The following ENOX1 variants were observed in gnomAD, a reference collection of about 807,000 sequenced individuals.
The protein encoded by ENOX1 is ecto-NOX disulfide-thiol exchanger 1, also known as candidate growth-related and time keeping constitutive hydroquinone (NADH) oxidase.
A neutral mutation model predicts 82.5 loss-of-function variants in ENOX1; 42 were observed. That is an observed-to-expected ratio of 0.51 (90% CI 0.40 to 0.66). The LOEUF (loss-of-function observed/expected upper bound fraction) is 0.66, where lower values mean the gene tolerates loss of function less well. ENOX1 is among the 30% of genes least tolerant of loss of function. ENOX1 has a pLI of 0.00. For synonymous variants in ENOX1, 271 were observed against 282.2 expected (o/e 0.96, Z 0.40); for missense variants, 608 against 811.6 (o/e 0.75, Z 3.05).
intron 8 of ENOX1, among the ~76,000 whole-genome samples, chr13:43,349,867 A>G (rs1030352354): frequency 1.2e-5 from 1 of 81,268 alleles, no homozygotes; most frequent in African/African-American, 3.3e-5. Context: ...GTGAGTCTCT[A>G]TCCCTGTCCC....
At chr13:43,766,878 A>T (rs1159931969) in intron 1 of ENOX1, among the ~76,000 whole-genome samples, 1 of 152,190 alleles carries the variant, frequency 6.6e-6, no homozygotes, top group Non-Finnish European at 1.5e-5. Context: ...TTGGCCCATC[A>T]TCTGCCCGGC....
intron 2 of ENOX1, among the ~76,000 whole-genome samples, chr13:43,636,829 G>A (rs186781026): frequency 1.4e-3 from 208 of 152,250 alleles, no homozygotes; most frequent in African/African-American, 4.9e-3. Flanking sequence ...GCAGCTTTGA[G>A]AATACACTAA....
chr13:43,250,668 T>G (rs2043401019), intron 14 of ENOX1, among the ~76,000 whole-genome samples: 2 of 152,222 alleles, frequency 1.3e-5, no homozygotes, highest in African/African-American at 4.8e-5. Flanking sequence ...TTGAGCCTCC[T>G]CCTCTTTTCA....
At chr13:43,751,325 C>T (rs2153831095) in intron 1 of ENOX1, among the ~76,000 whole-genome samples, 1 of 152,310 alleles carries the variant, frequency 6.6e-6, no homozygotes, top group East Asian at 1.9e-4. Context: ...CACTGCTCTT[C>T]TGGTTGCCAC....
intron 1 of ENOX1, among the ~76,000 whole-genome samples, chr13:43,723,402 T>C (rs551574236): frequency 1.3e-5 from 2 of 152,266 alleles, no homozygotes; most frequent in East Asian, 1.9e-4. Context: ...GTCAAAAAAA[T>C]TACTCAGGAG....
At chr13:43,624,522 G>A (rs1484139640) in intron 2 of ENOX1, among the ~76,000 whole-genome samples, 1 of 151,976 alleles carries the variant, frequency 6.6e-6, no homozygotes, top group Non-Finnish European at 1.5e-5. Context: ...TAGTTTTATA[G>A]TTTTGTGATT....
chr13:43,448,818 G>A (rs1016237002), intron 3 of ENOX1, among the ~76,000 whole-genome samples: 13 of 152,166 alleles, frequency 8.5e-5, no homozygotes, highest in Non-Finnish European at 1.0e-4. Flanking sequence ...GAGCGGCATC[G>A]CCACCAACAA....
In ENOX1 at chr13:43,753,961, A is replaced by ACTGATGTATTTCTTCTATGTATATAAG. The variant is rs1555376228; in HGVS notation, c.-285+32690_-285+32691insCTTATATACATAGAAGAAATACATCAG. 9.4e-5 allele frequency among the ~76,000 whole-genome samples: 14 copies of ACTGATGTATTTCTTCTATGTATATAAG among 149,118 alleles called. No homozygotes were observed. In the East Asian group the frequency reaches 2.6e-3, roughly 27 times the overall value. On this transcript the variant is annotated intron_variant, in intron 1 of 16. Coordinates refer to ENST00000690772, the MANE Select transcript of ENOX1 (RefSeq NM_001347969.2). The stretch of plus-strand genomic sequence containing the variant: ...TAGTCCTGACATTTCAGAGACATAA[A>ACTGATGTATTTCTTCTATGTATATAAG]CTGATGTATTTCTTCTACGTATCTA...
intron 1 of ENOX1, among the ~76,000 whole-genome samples, chr13:43,721,304 TA>T (rs1192971062): frequency 6.6e-6 from 1 of 151,566 alleles, no homozygotes; most frequent in Non-Finnish European, 1.5e-5. Context: ...CTTAGGATAT[TA>T]AATAGCAAAT....
chr13:43,236,438 A>G (rs2042554486), intron 15 of ENOX1, among the ~76,000 whole-genome samples, 198 bp downstream of exon 15: 2 of 152,220 alleles, frequency 1.3e-5, no homozygotes, highest in African/African-American at 4.8e-5. Flanking sequence ...GTTAATATAT[A>G]CAGTTACAGA....
chr13:43,504,747 G>A (rs554325069), intron 2 of ENOX1, among the ~76,000 whole-genome samples: 2 of 151,592 alleles, frequency 1.3e-5, no homozygotes, highest in Non-Finnish European at 3.0e-5. Flanking sequence ...GTACAGTAGA[G>A]TGCCTATAGT....
At chr13:43,725,821 G>T (rs1307470025) in intron 1 of ENOX1, among the ~76,000 whole-genome samples, 2 of 150,548 alleles carry the variant, frequency 1.3e-5, no homozygotes, top group Non-Finnish European at 2.9e-5. Context: ...AAAAAAAGAA[G>T]CTAGGCATGG....
chr13:43,530,253 G>T lies in ENOX1; in HGVS notation c.-218-46101C>A, dbSNP rs568523815. On this transcript the variant is annotated intron_variant, in intron 2 of 16. Transcript: ENST00000690772. ...AAAGTATATGATCAGAGCAGACAAT[G>T]TATTTACAGGATTTATTTCCTGATA... is the stretch of plus-strand genomic sequence containing the variant. 4.4e-4 allele frequency among the ~76,000 whole-genome samples: 67 copies of T among 152,238 alleles called. 1 individual carries two copies. The highest frequency in any genetic ancestry group is 2.0e-3 in the Admixed American group (31 of 15,272).
chr13:43,748,979 A>T (rs1950170566), intron 1 of ENOX1, among the ~76,000 whole-genome samples: 1 of 152,186 alleles, frequency 6.6e-6, no homozygotes, highest in Non-Finnish European at 1.5e-5. Context: ...TCTGAGGTTT[A>T]GTTTTAGATC....
intron 12 of ENOX1, among the ~76,000 whole-genome samples, chr13:43,291,363 T>C (rs1459774354): frequency 6.6e-6 from 1 of 152,234 alleles, no homozygotes; most frequent in Non-Finnish European, 1.5e-5. Context: ...GAAACAGAAA[T>C]AGTGTGGAGA....
intron 1 of ENOX1, among the ~76,000 whole-genome samples, chr13:43,698,989 A>G (rs1354658073): frequency 1.3e-5 from 2 of 152,220 alleles, no homozygotes; most frequent in Non-Finnish European, 2.9e-5. Context: ...CAGACAGAGA[A>G]GCAAAGAGCT....
intron 1 of ENOX1, among the ~76,000 whole-genome samples, chr13:43,700,554 C>T (rs2086856439): frequency 6.6e-6 from 1 of 152,112 alleles, no homozygotes; most frequent in Non-Finnish European, 1.5e-5. Context: ...TAGCCAGCTT[C>T]CCCAGATGGT....
intron 2 of ENOX1, among the ~76,000 whole-genome samples, chr13:43,591,664 T>C (rs2081251336): frequency 6.6e-6 from 1 of 151,802 alleles, no homozygotes; most frequent in African/African-American, 2.4e-5. Context: ...ATGTAATGTT[T>C]TGTTAAAAGT....
intron 2 of ENOX1, among the ~76,000 whole-genome samples, chr13:43,581,055 T>C (rs2080699559): frequency 6.6e-6 from 1 of 150,830 alleles, no homozygotes; most frequent in East Asian, 1.9e-4. Flanking sequence ...TATTCTCTTA[T>C]ACCTAAACAT....
Sources: gnomAD v4.1 joint callset for allele counts (sites outside exome capture counted in the v4.1 genomes callset) on GRCh38, gnomAD v4.1.1 for gene constraint, MANE v1.5 for transcripts, NCBI Gene and HGNC (gene_info 2026-07-23, HGNC 2026-07-21) for gene names.